Variants in SH3BP4 observed in about 807,000 individuals in gnomAD.
SH3BP4 encodes SH3 domain-binding protein 4.
In SH3BP4, 33 loss-of-function variants were observed where a neutral mutation model predicts 65.5. The observed-to-expected ratio is 0.50, with a 90% CI of 0.38 to 0.67. The LOEUF (loss-of-function observed/expected upper bound fraction) is 0.67. Among genes scored for constraint, SH3BP4 ranks in the 30% least tolerant of loss-of-function variants. SH3BP4 has a pLI of 0.00. For synonymous variants in SH3BP4, 552 were observed against 545.5 expected (o/e 1.01, Z -0.17); for missense variants, 1,134 against 1,261.4 (o/e 0.90, Z 1.53).
rs1695286466 is a variant in SH3BP4 at position 235,034,009 on chromosome 2, C to G, written c.-132-862C>G. 6.6e-6 allele frequency among the ~76,000 whole-genome samples: 1 copy of G among 152,164 alleles called. No individual in the cohort carries two copies. The highest frequency in any genetic ancestry group is 2.4e-5 in the African/African-American group (1 of 41,422). The stretch of plus-strand genomic sequence containing the variant: ...GCTGTGAAAGTGTCTGCCAGTTTCT[C>G]TTGGAGAGCACATGAAATTCACTGC... On this transcript the variant is annotated intron_variant, in intron 2 of 5. Coordinates refer to ENST00000392011, the MANE Select transcript of SH3BP4 (RefSeq NM_014521.3). This position sits in a 1 kb window ranked among gnomAD's most constrained non-coding sequence, Gnocchi z 6.2.
intron 2 of SH3BP4, among the ~76,000 whole-genome samples, chr2:235,024,561 G>A (rs567566976): frequency 7.1e-4 from 108 of 152,194 alleles, no homozygotes; most frequent in African/African-American, 2.3e-3. Context: ...CCTAGAAGCC[G>A]CCTCCCCCTC....
At chr2:234,964,131 G>T (rs1295901154) in intron 1 of SH3BP4, among the ~76,000 whole-genome samples, 2 of 152,166 alleles carry the variant, frequency 1.3e-5, no homozygotes, top group African/African-American at 2.4e-5. Context: ...GCAGCACTTT[G>T]GGGCTTCGTG....
intron 1 of SH3BP4, among the ~76,000 whole-genome samples, chr2:234,954,776 T>G (rs1692550656): frequency 6.6e-6 from 1 of 152,140 alleles, no homozygotes; most frequent in Admixed American, 6.5e-5. Context: ...CCTGGCCAGT[T>G]AAGAGCCCCT....
At chr2:234,954,073 C>T (rs527719189) in intron 1 of SH3BP4, among the ~76,000 whole-genome samples, 69 of 152,144 alleles carry the variant, frequency 4.5e-4, no homozygotes, top group African/African-American at 1.5e-3. Flanking sequence ...CTGAACAAAC[C>T]TGGCTTCCTA....
intron 2 of SH3BP4, among the ~76,000 whole-genome samples, chr2:235,001,846 GA>G (rs1220964749): frequency 6.6e-6 from 1 of 152,150 alleles, no homozygotes; most frequent in Admixed American, 6.5e-5. Flanking sequence ...AAAGGAGGGT[GA>G]GGTGTTTTGT....
At chr2:235,007,125 AGAGGG>A (rs1694320501) in intron 2 of SH3BP4, among the ~76,000 whole-genome samples, 2 of 150,020 alleles carry the variant, frequency 1.3e-5, no homozygotes, top group Admixed American at 6.6e-5. Context: ...GAAATCAAGT[AGAGGG>A]GAGGGAGGGG....
chr2:235,047,868 A>G (rs1260879755), intron 4 of SH3BP4, among the ~76,000 whole-genome samples: 11 of 152,124 alleles, frequency 7.2e-5, no homozygotes. Context: ...CTCTGTAGAG[A>G]AGTTTCTATG....
At chr2:235,015,853 G>C (rs1038518334) in intron 2 of SH3BP4, among the ~76,000 whole-genome samples, 1 of 152,066 alleles carries the variant, frequency 6.6e-6, no homozygotes, top group African/African-American at 2.4e-5. Context: ...CTCCTGCATG[G>C]TATTGCCAGA....
chr2:235,010,022 CT>C (rs1209819885), intron 2 of SH3BP4, among the ~76,000 whole-genome samples: 1 of 151,968 alleles, frequency 6.6e-6, no homozygotes, highest in Non-Finnish European at 1.5e-5. Context: ...CCTGGAGGGT[CT>C]TTTTTCAGGG....
chr2:235,025,395 T>G (rs1009146313), intron 2 of SH3BP4, among the ~76,000 whole-genome samples: 1 of 152,184 alleles, frequency 6.6e-6, no homozygotes, highest in East Asian at 1.9e-4. Flanking sequence ...TGGTTTCATG[T>G]GTGTGTCTTT....
chr2:235,014,191 C>T (rs765731043), intron 2 of SH3BP4, among the ~76,000 whole-genome samples: 3 of 152,160 alleles, frequency 2.0e-5, no homozygotes, highest in Non-Finnish European at 4.4e-5. Context: ...CCGTTGCCTG[C>T]CGACATCAGC....
chr2:234,970,105 ACT>A (rs1341038714), intron 1 of SH3BP4, among the ~76,000 whole-genome samples: 1 of 150,914 alleles, frequency 6.6e-6, no homozygotes, highest in East Asian at 2.0e-4. Flanking sequence ...AAATACACTC[ACT>A]CACACACACT....
chr2:234,988,115 G>A (rs901567270), intron 1 of SH3BP4, among the ~76,000 whole-genome samples: 2 of 151,964 alleles, frequency 1.3e-5, no homozygotes, highest in South Asian at 2.1e-4. Context: ...GCTGGAGTGC[G>A]GTGGTGTAAT....
chr2:234,999,931 G>T (rs960441666), intron 2 of SH3BP4, among the ~76,000 whole-genome samples: 4 of 152,232 alleles, frequency 2.6e-5, no homozygotes, highest in African/African-American at 7.2e-5. Flanking sequence ...GCAGCCCTTT[G>T]CAGGACCTGC....
rs1695724041 is a variant in SH3BP4 at position 235,042,976 on chromosome 2, G to A, written c.2207G>A (p.Ser736Asn). 2 of 1,612,352 alleles carry A rather than the reference G, an allele frequency of 1.2e-6. No homozygotes were observed. Among genetic ancestry groups the A allele is most frequent in the Non-Finnish European group, 1.7e-6 (2 of 1,179,078 alleles). Residue 736 changes from serine to asparagine, a missense_variant, in exon 4 of 6, where the codon AGC (serine) becomes AAC (asparagine). Transcript: ENST00000392011. The surrounding 1 kb of genome is among the most constrained non-coding windows in gnomAD (Gnocchi z 7.3). Reference sequence around the variant, plus strand: ...AGCCTGTGCTCGGGCCCCGAGCTGAGCACCTCGGTGCTGCTGGAGCAGATC... The same window carrying A: ...AGCCTGTGCTCGGGCCCCGAGCTGAACACCTCGGTGCTGCTGGAGCAGATC... ...RPSLCSGPEL[S>N]TSVLLEQILR...
rs2106346042 is a variant in SH3BP4 at position 235,052,651 on chromosome 2, C to G, written c.2568C>G (p.Arg856=). ...CCACGGCTGTAGAGGTGGCCCAGCG[C>G]TGGCGGGAGCTGGCTGAGAAGCTGG... The part of the protein sequence containing the change: ...LLTTAVEVAQ[R]WRELAEKLAK... Residue 856 remains arginine, a synonymous_variant, in exon 5 of 6, where the codon CGC becomes CGG. Coordinates refer to ENST00000392011, the MANE Select transcript of SH3BP4 (RefSeq NM_014521.3). This position sits in a 1 kb window ranked among gnomAD's most constrained non-coding sequence, Gnocchi z 5.0. The G allele has an allele frequency of 6.3e-7, 1 of 1,587,546 alleles. No individual in the cohort carries two copies.
chr2:235,018,900 C>T (rs955168745), intron 2 of SH3BP4, among the ~76,000 whole-genome samples: 6 of 152,190 alleles, frequency 3.9e-5, no homozygotes, highest in South Asian at 2.1e-4. Flanking sequence ...CAGCAAAACC[C>T]GCTGAGCAGG....
At position 235,028,043 on chromosome 2, in the gene SH3BP4, ATGT is replaced by A. The variant is rs1574832333; in HGVS notation, c.-132-6824_-132-6822del. On this transcript the variant is annotated intron_variant, in intron 2 of 5. Transcript: ENST00000392011. ...TCAGTGATTCCTTCTGTATGCAGTG[ATGT>A]TGTCTGTTCAGACGCTGCCCTCTTG... is the stretch of plus-strand genomic sequence containing the variant. 2.0e-5 allele frequency among the ~76,000 whole-genome samples: 3 copies of A among 152,274 alleles called. No individual in the cohort carries two copies. The East Asian group carries it at 5.8e-4, about 29-fold the overall frequency.
chr2:234,970,306 TCTC>T (rs897097932), intron 1 of SH3BP4, among the ~76,000 whole-genome samples: 1 of 152,180 alleles, frequency 6.6e-6, no homozygotes, highest in African/African-American at 2.4e-5. Flanking sequence ...TGGCGGGACT[TCTC>T]CTTTGTGCAT....
Sources: allele counts gnomAD v4.1 joint callset (sites outside exome capture counted in the v4.1 genomes callset), GRCh38; gene constraint gnomAD v4.1.1; non-coding constraint Gnocchi (gnomAD v3.1); transcripts MANE v1.5; gene names NCBI Gene and HGNC (gene_info 2026-07-23, HGNC 2026-07-21).